The following SIGLEC8 variants were observed in gnomAD, a reference collection of about 807,000 sequenced individuals.
The protein encoded by SIGLEC8 is sialic acid binding Ig like lectin 8, also known as sialic acid-binding Ig-like lectin 8.
A neutral mutation model predicts 42.1 loss-of-function variants in SIGLEC8; 32 were observed. The ratio of observed to expected loss-of-function variants is 0.76; its 90% CI spans 0.57 to 1.02. The LOEUF is 1.02. SIGLEC8 is among the 50% of genes least tolerant of loss of function. The pLI, the probability that SIGLEC8 is intolerant of heterozygous loss-of-function variation, is 0.00. For missense variants in SIGLEC8, 611 were observed against 610.2 expected, an observed-to-expected ratio of 1.00 and a Z score of -0.01; for synonymous variants, 262 against 260.3, an observed-to-expected ratio of 1.01 and a Z score of -0.06.
Position 51,455,510 on chromosome 19 carries a change from A to G in SIGLEC8, c.959T>C (p.Val320Ala), listed in dbSNP as rs370525251. 5.0e-6 allele frequency: 8 copies of G among 1,613,898 alleles called. No individual in the cohort carries two copies. The African/African-American group carries it at 8.0e-5, about 16-fold the overall frequency. The stretch of plus-strand genomic sequence containing the variant: ...GCAGGTGAATTCCCCTTCATCCCTC[A>G]CGTGCACTCGAGGCAGCTCCAGCAG... ...PGLLELPRVHVRDEGEFTCRA... is the reference protein window; with the variant it reads ...PGLLELPRVHARDEGEFTCRA... The change falls in exon 4 of 7, where the codon GTG becomes GCG. Residue 320 changes from valine to alanine, a missense_variant. By Grantham distance (64) the Val-to-Ala change is moderately conservative. Coordinates refer to ENST00000321424, the MANE Select transcript of SIGLEC8 (RefSeq NM_014442.3).
Position 51,454,280 on chromosome 19 carries a change from G to T in SIGLEC8, c.1184C>A (p.Ala395Glu), listed in dbSNP as rs1250187322. The change falls in exon 6 of 7, where the codon GCA becomes GAA. Residue 395 changes from alanine to glutamate, a missense_variant. Coordinates refer to ENST00000321424, the MANE Select transcript of SIGLEC8 (RefSeq NM_014442.3). This position sits in a 1 kb window ranked among gnomAD's most constrained non-coding sequence, Gnocchi z 4.7. ...CATGCCTGTATCCCCCACGCCCGCT[G>T]CTGGCCTTGCCGATTTCTTCCTGCA... The part of the protein sequence containing the change: ...RSCRKKSARP[A>E]AGVGDTGMED... The T allele has an allele frequency of 2.5e-6, 4 of 1,613,974 alleles. No homozygotes were observed. The East Asian group carries it at 6.7e-5, about 27-fold the overall frequency.
chr19:51,452,531 G>A lies in SIGLEC8; in HGVS notation c.1348C>T (p.Leu450Phe). Residue 450 changes from leucine (L) to phenylalanine (F), a missense_variant, in exon 7 of 7, where the codon CTC becomes TTC. Transcript: ENST00000321424. ...TGAGGCTTCACTTTATGGAAGCTGAGGGTTGCATAATGGAGCTCTCCTTCC... is the reference window on the plus strand; with the variant it reads ...TGAGGCTTCACTTTATGGAAGCTGAAGGTTGCATAATGGAGCTCTCCTTCC... ...GEEGELHYAT[L>F]SFHKVKPQDP... 6.3e-7 allele frequency: 1 copy of A among 1,599,310 alleles called. No individual in the cohort carries two copies. The highest frequency in any genetic ancestry group is 1.1e-5 in the South Asian group (1 of 90,668).
chr19:51,454,897 GA>G lies in SIGLEC8; in HGVS notation c.1052-118del. On this transcript the variant is annotated intron_variant, in intron 4 of 6. Coordinates refer to ENST00000321424, the MANE Select transcript of SIGLEC8 (RefSeq NM_014442.3). This position sits in a 1 kb window ranked among gnomAD's most constrained non-coding sequence, Gnocchi z 4.7. ...TCCCCTCTTCTCCTTCCCAGACACA[GA>G]ATACGAATGGGAGGGAGGAAAGGAG... 1 of 706,948 alleles carries G rather than the reference GA, an allele frequency of 1.4e-6. No individual in the cohort carries two copies. The highest frequency in any genetic ancestry group is 2.5e-6 in the Non-Finnish European group (1 of 399,310). The allele number at this position is 706,948 out of a possible 1,614,324, so 43.8% of individuals were successfully genotyped here.
Position 51,458,389 on chromosome 19 carries a change from T to C in SIGLEC8, c.-2A>G. 6.2e-7 allele frequency: 1 copy of C among 1,611,734 alleles called. No individual in the cohort carries two copies. The highest frequency in any genetic ancestry group is 8.5e-7 in the Non-Finnish European group (1 of 1,178,728). ...CAGCAGCAGCAGCAGCAGCAGCATG[T>C]CTGGGTTTGAAGGCGCCAGGGCCGC... On this transcript the variant is annotated 5_prime_UTR_variant, in exon 1 of 7. Coordinates refer to ENST00000321424, the MANE Select transcript of SIGLEC8 (RefSeq NM_014442.3).
intron 6 of SIGLEC8, chr19:51,453,338 C>T (rs914343086): frequency 1.0e-6 from 1 of 972,804 alleles, no homozygotes; most frequent in African/African-American, 1.8e-5. Context: ...GATCCTCCTA[C>T]CTTGGCCTCC....
rs1339245699 is a variant in SIGLEC8, at chr19:51,458,409, G to T, written c.-22C>A. The T allele has an allele frequency of 6.2e-7, 1 of 1,603,616 alleles. No individual in the cohort carries two copies. Among genetic ancestry groups the T allele is most frequent in the Admixed American group, 1.7e-5 (1 of 59,428 alleles). Reference sequence around the variant, plus strand: ...GCATGTCTGGGTTTGAAGGCGCCAGGGCCGCCAGGGAACGTCTGTTCCTCA... The same window carrying T: ...GCATGTCTGGGTTTGAAGGCGCCAGTGCCGCCAGGGAACGTCTGTTCCTCA... On this transcript the variant is annotated 5_prime_UTR_variant, in exon 1 of 7. Transcript: ENST00000321424.
Position 51,454,629 on chromosome 19 carries a change from T to C in SIGLEC8, c.1148+55A>G, listed in dbSNP as rs1186114080. 1.4e-6 allele frequency: 2 copies of C among 1,444,852 alleles called. No homozygotes were observed. Among genetic ancestry groups the C allele is most frequent in the Non-Finnish European group, 1.9e-6 (2 of 1,026,942 alleles). 89.5% of individuals were successfully genotyped at this position (1,444,852 alleles called of 1,614,324 possible). A position where few individuals can be genotyped will look rare whatever the true frequency, so the allele number is the denominator to read the frequency against. On this transcript the variant is annotated intron_variant, in intron 5 of 6. Transcript: ENST00000321424. The surrounding 1 kb of genome is among the most constrained non-coding windows in gnomAD (Gnocchi z 4.7). ...TCCAGCTCTGGCTTCAGGGATTCTG[T>C]TCCCGGTCTGCCCTGCCCCAGGTCT...
rs1156267290 is a variant in SIGLEC8, at chr19:51,458,235, G to A, written c.153C>T (p.Tyr51=). The A allele has an allele frequency of 1.9e-6, 3 of 1,614,142 alleles. No individual in the cohort carries two copies. The highest frequency in any genetic ancestry group is 4.5e-5 in the East Asian group (2 of 44,880). The change falls in exon 1 of 7, where the codon TAC becomes TAT. Residue 51 remains tyrosine, a synonymous_variant. Coordinates refer to ENST00000321424, the MANE Select transcript of SIGLEC8 (RefSeq NM_014442.3). ...LCVHVPCSFS[Y]PQDGWTDSDP... ...CAGAGTCAGTCCAGCCATCCTGGGGGTAGGAGAAGGAGCAGGGCACATGGA... is the reference window on the plus strand; with the variant it reads ...CAGAGTCAGTCCAGCCATCCTGGGGATAGGAGAAGGAGCAGGGCACATGGA...
At position 51,454,864 on chromosome 19, in the gene SIGLEC8, A is replaced by T; in HGVS notation, c.1052-84T>A. On this transcript the variant is annotated intron_variant, in intron 4 of 6. Coordinates refer to ENST00000321424, the MANE Select transcript of SIGLEC8 (RefSeq NM_014442.3). The surrounding 1 kb of genome is among the most constrained non-coding windows in gnomAD (Gnocchi z 4.7). Reference sequence around the variant, plus strand: ...CCTCCCACTGTCTGCAGGGCCCTAGACTTCCATTCCCCTCTTCTCCTTCCC... The same window carrying T: ...CCTCCCACTGTCTGCAGGGCCCTAGTCTTCCATTCCCCTCTTCTCCTTCCC... The T allele has an allele frequency of 1.1e-6, 1 of 937,584 alleles. No individual in the cohort carries two copies. The highest frequency in any genetic ancestry group is 1.7e-6 in the Non-Finnish European group (1 of 579,744). The allele number at this position is 937,584 out of a possible 1,614,324, so 58.1% of individuals were successfully genotyped here. A position where few individuals can be genotyped will look rare whatever the true frequency, so the allele number is the denominator to read the frequency against.
At chr19:51,452,989 C>T (rs1284736414) in intron 6 of SIGLEC8, among the ~76,000 whole-genome samples, 3 of 152,136 alleles carry the variant, frequency 2.0e-5, no homozygotes, top group Non-Finnish European at 4.4e-5. Flanking sequence ...CTGAGGCCCC[C>T]GTGTGTGAGG....
Position 51,457,637 on chromosome 19 carries a change from G to C in SIGLEC8, c.557C>G (p.Pro186Arg). The change falls in exon 2 of 7, where the codon CCC (proline) becomes CGC (arginine). Residue 186 changes from proline to arginine, a missense_variant. By Grantham distance (103) the Pro-to-Arg change is moderately radical (BLOSUM62 -2). Transcript: ENST00000321424. ...GGCCCCAATCCAGGAGATCATGGGG[G>C]GTGTCCCCTGCTTACAGGCCCAGGG... ...SVPWACKQGT[P>R]PMISWIGASV... 1 of 1,611,824 alleles carries C rather than the reference G, an allele frequency of 6.2e-7. No homozygotes were observed. The highest frequency in any genetic ancestry group is 8.5e-7 in the Non-Finnish European group (1 of 1,178,812).
Position 51,458,276 on chromosome 19 carries a change from G to C in SIGLEC8, c.112C>G (p.Gln38Glu). 8 of 1,614,102 alleles carry C rather than the reference G, an allele frequency of 5.0e-6. No individual in the cohort carries two copies. Among genetic ancestry groups the C allele is most frequent in the Non-Finnish European group, 6.8e-6 (8 of 1,179,994 alleles). The change falls in exon 1 of 7, where the codon CAG (glutamine) becomes GAG (glutamate). Residue 38 changes from glutamine (Q) to glutamate (E), a missense_variant. By Grantham distance (29) the Gln-to-Glu change is conservative. Coordinates refer to ENST00000321424, the MANE Select transcript of SIGLEC8 (RefSeq NM_014442.3). ...GGCACATGGACACACAGGCCCTCCT[G>C]CACCGTCACCAGCTCCTGCACTTGC... ...LLQVQELVTV[Q>E]EGLCVHVPCS... is the part of the protein sequence containing the mutation.
intron 3 of SIGLEC8, among the ~76,000 whole-genome samples, chr19:51,456,319 CAG>C (rs1383580510): frequency 6.6e-6 from 1 of 152,120 alleles, no homozygotes; most frequent in African/African-American, 2.4e-5. Flanking sequence ...GACTGACACA[CAG>C]ACATAGACTG....
chr19:51,455,720 A>G (rs1180218804), intron 3 of SIGLEC8, 33 bp from the exon 4 acceptor site: 1 of 1,576,780 alleles, frequency 6.3e-7, no homozygotes, highest in East Asian at 2.2e-5. Flanking sequence ...TCATCCCATT[A>G]CTGGGTATAT....
rs1308272087 is a variant in SIGLEC8 at position 51,453,767 on chromosome 19, G to A, written c.1245+452C>T. On this transcript the variant is annotated intron_variant, in intron 6 of 6. Coordinates refer to ENST00000321424, the MANE Select transcript of SIGLEC8 (RefSeq NM_014442.3). The stretch of plus-strand genomic sequence containing the variant: ...TACAACGGGCAAAACGAGAGTAAAT[G>A]AGAGAGAATTACAGGGCCTTAATTG... 9.1e-6 allele frequency: 9 copies of A among 984,708 alleles called. No individual in the cohort carries two copies. The South Asian group carries it at 4.2e-4, about 46-fold the overall frequency. 61.0% of individuals were successfully genotyped at this position (984,708 alleles called of 1,614,324 possible).
Position 51,454,272 on chromosome 19 carries a change from C to A in SIGLEC8, c.1192G>T (p.Val398Leu). Residue 398 changes from valine (V) to leucine (L), a missense_variant, in exon 6 of 7, where the codon GTG (valine) becomes TTG (leucine). Physicochemically the swap from Val to Leu is conservative, Grantham distance 32. Coordinates refer to ENST00000321424, the MANE Select transcript of SIGLEC8 (RefSeq NM_014442.3). The surrounding 1 kb of genome is among the most constrained non-coding windows in gnomAD (Gnocchi z 4.7). ...RKKSARPAAG[V>L]GDTGMEDAKA... ...GCATCTTCCATGCCTGTATCCCCCA[C>A]GCCCGCTGCTGGCCTTGCCGATTTC... 6.2e-7 allele frequency: 1 copy of A among 1,614,082 alleles called. No homozygotes were observed. Among genetic ancestry groups the A allele is most frequent in the Non-Finnish European group, 8.5e-7 (1 of 1,180,030 alleles).
chr19:51,456,801 G>C (rs1989504403), intron 3 of SIGLEC8, among the ~76,000 whole-genome samples: 11 of 152,210 alleles, frequency 7.2e-5, no homozygotes, highest in Admixed American at 7.2e-4. Context: ...GAAGTACTTA[G>C]ATCGAAACTA....
At chr19:51,455,758 A>G (rs1406069002) in intron 3 of SIGLEC8, 71 bp from the exon 4 acceptor site, 1 of 1,346,408 alleles carries the variant, frequency 7.4e-7, no homozygotes, top group Non-Finnish European at 1.0e-6. Context: ...TCATGCTGCT[A>G]TAAAGACACA....
rs1404412428 is a variant in SIGLEC8 at position 51,455,606 on chromosome 19, T to C, written c.863A>G (p.Asn288Ser). ...GGTCCAGCTCAGCCTGGCAGGGGGA[T>C]TGCTGTTGACAGCACAGACCAGGCG... The part of the protein sequence containing the change: ...SLRLVCAVNS[N>S]PPARLSWTRG... The change falls in exon 4 of 7, where the codon AAT becomes AGT. Residue 288 changes from asparagine (N) to serine (S), a missense_variant. By Grantham distance (46) the Asn-to-Ser change is conservative (BLOSUM62 1). Transcript: ENST00000321424. 1.2e-6 allele frequency: 2 copies of C among 1,614,016 alleles called. No individual in the cohort carries two copies. The highest frequency in any genetic ancestry group is 2.2e-5 in the East Asian group (1 of 44,866).
Sources: gnomAD v4.1 joint callset for allele counts (sites outside exome capture counted in the v4.1 genomes callset) on GRCh38, gnomAD v4.1.1 for gene constraint, Gnocchi (gnomAD v3.1) non-coding constraint, MANE v1.5 for transcripts, NCBI Gene and HGNC (gene_info 2026-07-23, HGNC 2026-07-21) for gene names.